PDE1C: variants seen among roughly 807,000 people sequenced by gnomAD.
PDE1C encodes dual specificity calcium/calmodulin-dependent 3',5'-cyclic nucleotide phosphodiesterase 1C.
In PDE1C, 62 loss-of-function variants were observed where a neutral mutation model predicts 93.1. The observed-to-expected ratio is 0.67, with a 90% confidence interval of 0.54 to 0.82. The LOEUF (loss-of-function observed/expected upper bound fraction) is 0.82, where lower values mean the gene tolerates loss of function less well. PDE1C is among the 40% of genes least tolerant of loss of function. The probability of loss-of-function intolerance (pLI) is 0.00; values close to 1 mark genes in which losing one functional copy is unlikely to be tolerated. For missense variants in PDE1C, 742 were observed against 884.6 expected (o/e 0.84, Z 2.04); for synonymous variants, 325 against 310.1 (o/e 1.05, Z -0.50).
At chr7:31,797,362 C>A (rs142670221) in intron 16 of PDE1C, among the ~76,000 whole-genome samples, 2 of 151,692 alleles carry the variant, frequency 1.3e-5, no homozygotes, top group African/African-American at 4.8e-5. Context: ...CCTTCCTAGA[C>A]CTAAGAAATA....
At chr7:32,215,877 A>G (rs1217567360) in intron 1 of PDE1C, among the ~76,000 whole-genome samples, 1 of 152,158 alleles carries the variant, frequency 6.6e-6, no homozygotes, top group Non-Finnish European at 1.5e-5. Context: ...CCCAGAGCAG[A>G]GCTTGGCTTC....
At chr7:31,822,731 T>G (rs1406923865) in intron 14 of PDE1C, among the ~76,000 whole-genome samples, 5 of 152,042 alleles carry the variant, frequency 3.3e-5, no homozygotes, top group Non-Finnish European at 5.9e-5. Flanking sequence ...AAAGAAGAAA[T>G]AAAAGCCTCA....
At chr7:31,733,293 G>A in the PDE1C span, among the ~76,000 whole-genome samples, 1 of 152,200 alleles carries the variant, frequency 6.6e-6, no homozygotes, top group African/African-American at 2.4e-5. Context: ...GCTTTGGGAG[G>A]CCAATGTCAT....
intron 2 of PDE1C, among the ~76,000 whole-genome samples, chr7:31,998,640 G>T (rs1339541715): frequency 1.3e-5 from 2 of 152,138 alleles, no homozygotes; most frequent in Non-Finnish European, 2.9e-5. Flanking sequence ...AGCAGAAAAT[G>T]ACCATTAGAA....
In PDE1C at chr7:32,225,020, TTTAAA is replaced by T. The variant is rs1215197472; in HGVS notation, c.86-15486_86-15482del. ...GGACCTTCAGGAATCACCTTTCTTA[TTTAAA>T]AAAAAAAAAAAGACTATTAAAATAT... is the stretch of plus-strand genomic sequence containing the variant. On this transcript the variant is annotated intron_variant, in intron 1 of 18. Transcript: ENST00000396193. Among the ~76,000 whole-genome samples the T allele has an allele frequency of 3.0e-4, 40 of 131,896 alleles. 1 individual carries two copies. The highest frequency in any genetic ancestry group is 3.0e-3 in the East Asian group (12 of 3,970). 86.5% of individuals were successfully genotyped at this position (131,896 alleles called of 152,430 possible).
At chr7:31,645,148 A>G in the PDE1C span, among the ~76,000 whole-genome samples, 1 of 152,226 alleles carries the variant, frequency 6.6e-6, no homozygotes, top group Non-Finnish European at 1.5e-5. Flanking sequence ...AATTTGGGTA[A>G]CAGTAAATTG....
intron 1 of PDE1C, among the ~76,000 whole-genome samples, chr7:32,401,644 G>T (rs1013446728): frequency 3.9e-5 from 6 of 152,166 alleles, no homozygotes; most frequent in African/African-American, 1.4e-4. Flanking sequence ...ACCGCAGCTT[G>T]CCCTGGGCTT....
chr7:32,235,427 A>AC (rs1808006632), intron 1 of PDE1C, among the ~76,000 whole-genome samples: 1 of 151,716 alleles, frequency 6.6e-6, no homozygotes, highest in Non-Finnish European at 1.5e-5. Flanking sequence ...CAAAAAAAAA[A>AC]CTCCTAGAAC....
exon 1 of PDE1C, chr7:32,298,816 G>C: frequency 2.7e-6 from 4 of 1,488,980 alleles, no homozygotes; most frequent in Non-Finnish European, 3.6e-6. Context: ...AGCAGCCCGG[G>C]GCTCGGCGGC....
intron 1 of PDE1C, among the ~76,000 whole-genome samples, chr7:32,341,176 T>TTTTTATTTTTTTTTATTTTA (rs1313902535): frequency 5.6e-5 from 6 of 107,952 alleles, no homozygotes; most frequent in African/African-American, 2.0e-4. Flanking sequence ...ATAAAGTCTT[T>TTTTTATTTTTTTTTATTTTA]TTTTTTTTTT....
rs1788196535 is a variant in PDE1C, at chr7:32,018,394, T to A, written c.128+33160A>T. ...AGAATGTTCACAGCAACATTATTCA[T>A]AATAACCAAAATATGGAAACAACCA... is the stretch of plus-strand genomic sequence containing the variant. On this transcript the variant is annotated intron_variant, in intron 2 of 17. Transcript: ENST00000396191. Among the ~76,000 whole-genome samples, 3 of 152,102 alleles carry A rather than the reference T, an allele frequency of 2.0e-5. No homozygotes were observed. The South Asian group carries it at 6.2e-4, about 32-fold the overall frequency.
intron 2 of PDE1C, among the ~76,000 whole-genome samples, chr7:32,023,362 T>C (rs1788949910): frequency 6.6e-6 from 1 of 152,158 alleles, no homozygotes; most frequent in African/African-American, 2.4e-5. Flanking sequence ...GTTTTCTCTC[T>C]ATAGCTGTCA....
intron 1 of PDE1C, among the ~76,000 whole-genome samples, chr7:32,418,428 T>A (rs1390228651): frequency 2.0e-5 from 3 of 152,214 alleles, no homozygotes; most frequent in Non-Finnish European, 2.9e-5. Context: ...GCATGAAGTA[T>A]GCCTGGCACA....
chr7:31,721,213 T>G, the PDE1C span, among the ~76,000 whole-genome samples: 1 of 152,240 alleles, frequency 6.6e-6, no homozygotes, highest in African/African-American at 2.4e-5. Flanking sequence ...AGAGATTATG[T>G]TCACCATTCA....
chr7:31,683,347 C>A, the PDE1C span, among the ~76,000 whole-genome samples: 15 of 152,130 alleles, frequency 9.9e-5, no homozygotes, highest in Non-Finnish European at 2.1e-4. Context: ...AAAAGACAAC[C>A]ATTCACCTTG....
intron 2 of PDE1C, among the ~76,000 whole-genome samples, chr7:31,887,641 G>A (rs1798117017): frequency 6.6e-6 from 1 of 152,140 alleles, no homozygotes; most frequent in Non-Finnish European, 1.5e-5. Context: ...AATTGCTGCA[G>A]AATGCACCAT....
At chr7:32,023,121 T>C (rs955893790) in intron 2 of PDE1C, among the ~76,000 whole-genome samples, 3 of 152,102 alleles carry the variant, frequency 2.0e-5, no homozygotes, top group African/African-American at 7.2e-5. Flanking sequence ...GGCTGAGTTA[T>C]TGCCTTTAAA....
chr7:32,425,735 G>T (rs918913667), intron 1 of PDE1C, among the ~76,000 whole-genome samples: 3 of 152,024 alleles, frequency 2.0e-5, no homozygotes, highest in Non-Finnish European at 2.9e-5. Context: ...TGAGCCCAAG[G>T]GTTCAAGACC....
At chr7:31,953,707 C>A (rs1584160717) in intron 2 of PDE1C, among the ~76,000 whole-genome samples, 1 of 152,096 alleles carries the variant, frequency 6.6e-6, no homozygotes, top group South Asian at 2.1e-4. Context: ...AGGATCCCAT[C>A]AAAGAGGCTC....
Sources: allele counts gnomAD v4.1 joint callset (sites outside exome capture counted in the v4.1 genomes callset), GRCh38; gene constraint gnomAD v4.1.1; transcripts MANE v1.5; gene names NCBI Gene and HGNC (gene_info 2026-07-23, HGNC 2026-07-21).